Variants in ARHGAP24 observed in about 807,000 individuals in gnomAD.
ARHGAP24 encodes rho GTPase-activating protein 24.
ARHGAP24 carries 50 observed loss-of-function variants against 76.4 expected under a neutral mutation model. The observed-to-expected ratio is 0.65, with a 90% CI of 0.52 to 0.83. The LOEUF is 0.83. Ranked by LOEUF, ARHGAP24 falls within the 40% of genes least tolerant of loss-of-function variation. The pLI is 0.00. For missense variants in ARHGAP24, 930 were observed against 914.2 expected, an observed-to-expected ratio of 1.02 and a Z score of -0.22; for synonymous variants, 345 against 323.3, an observed-to-expected ratio of 1.07 and a Z score of -0.72.
At chr4:85,504,418 A>G (rs567386872) in intron 1 of ARHGAP24, among the ~76,000 whole-genome samples, 6 of 152,318 alleles carry the variant, frequency 3.9e-5, no homozygotes, top group Non-Finnish European at 8.8e-5. Flanking sequence ...TTGGGTGCAT[A>G]TATATTTAGG....
chr4:85,767,801 T>G (rs1328076913), intron 3 of ARHGAP24, among the ~76,000 whole-genome samples: 1 of 152,178 alleles, frequency 6.6e-6, no homozygotes, highest in East Asian at 1.9e-4. Context: ...TTGGTGAGAG[T>G]TAAACTCTGT....
At chr4:85,881,204 G>A (rs1374727858) in intron 3 of ARHGAP24, among the ~76,000 whole-genome samples, 2 of 152,132 alleles carry the variant, frequency 1.3e-5, no homozygotes, top group Non-Finnish European at 2.9e-5. Flanking sequence ...ATGAGTCCAT[G>A]ACTCCATGAC....
chr4:85,663,979 T>C (rs1560575170), intron 2 of ARHGAP24, among the ~76,000 whole-genome samples: 1 of 151,816 alleles, frequency 6.6e-6, no homozygotes. Context: ...TCTAAAATTC[T>C]CTTTTTTGAT....
Position 85,808,809 on chromosome 4 carries a change from A to G in ARHGAP24, c.268+86837A>G, listed in dbSNP as rs139079303. On this transcript the variant is annotated intron_variant, in intron 3 of 9. Transcript: ENST00000395184. ...TTGTTTGCTTTAATTATAAAAGAAA[A>G]TAACCCAAAAGAAATAGCAACTAAG... Among the ~76,000 whole-genome samples the G allele has an allele frequency of 5.3e-3, 805 of 152,038 alleles. 5 individuals are homozygous for G. Among genetic ancestry groups the G allele is most frequent in the African/African-American group, 0.018 (764 of 41,484 alleles).
At chr4:85,543,109 G>T (rs1725774591) in intron 1 of ARHGAP24, among the ~76,000 whole-genome samples, 1 of 152,176 alleles carries the variant, frequency 6.6e-6, no homozygotes, top group Admixed American at 6.5e-5. Context: ...GGAATAGACA[G>T]ATTTGGAAGA....
At chr4:85,691,081 A>G (rs1723637556) in intron 2 of ARHGAP24, among the ~76,000 whole-genome samples, 1 of 151,872 alleles carries the variant, frequency 6.6e-6, no homozygotes, top group South Asian at 2.1e-4. Context: ...TTTTTGATTT[A>G]TGCCTTAATT....
chr4:85,660,393 A>G (rs528342744), intron 2 of ARHGAP24, among the ~76,000 whole-genome samples: 10 of 152,172 alleles, frequency 6.6e-5, no homozygotes, highest in Non-Finnish European at 1.0e-4. Context: ...TAAGTATAAC[A>G]AAACAGAGTG....
chr4:85,929,777 T>G (rs573602527), intron 4 of ARHGAP24, among the ~76,000 whole-genome samples: 132 of 152,332 alleles, frequency 8.7e-4, no homozygotes, highest in African/African-American at 3.0e-3. Flanking sequence ...GGTATGCATG[T>G]TAAATCAGTG....
intron 2 of ARHGAP24, among the ~76,000 whole-genome samples, chr4:85,622,061 G>A (rs1228467297): frequency 6.6e-6 from 1 of 151,616 alleles, no homozygotes; most frequent in African/African-American, 2.4e-5. Flanking sequence ...CTTGTCTTAA[G>A]ATATTTTCAA....
chr4:85,516,590 T>A (rs1724512314), intron 1 of ARHGAP24, among the ~76,000 whole-genome samples: 1 of 150,248 alleles, frequency 6.7e-6, no homozygotes, highest in Non-Finnish European at 1.5e-5. Context: ...TTGTATGTAT[T>A]TTTTTAAAAC....
At chr4:85,887,688 C>T (rs1733639922) in intron 3 of ARHGAP24, among the ~76,000 whole-genome samples, 1 of 152,172 alleles carries the variant, frequency 6.6e-6, no homozygotes, top group Non-Finnish European at 1.5e-5. Flanking sequence ...TTACCTCTGT[C>T]ATTACCTCTG....
intron 1 of ARHGAP24, among the ~76,000 whole-genome samples, chr4:85,495,390 G>A (rs533270466): frequency 4.5e-4 from 49 of 109,352 alleles, no homozygotes; most frequent in Non-Finnish European, 6.9e-4. Context: ...TCACTCTGTT[G>A]CCCAGGCTGG....
intron 4 of ARHGAP24, among the ~76,000 whole-genome samples, chr4:85,940,271 T>C (rs558303808): frequency 6.6e-6 from 1 of 152,170 alleles, no homozygotes; most frequent in South Asian, 2.1e-4. Flanking sequence ...TTTGGATCAG[T>C]AGTTCAATAA....
At chr4:85,856,611 C>G (rs1452326822) in intron 3 of ARHGAP24, among the ~76,000 whole-genome samples, 4 of 151,456 alleles carry the variant, frequency 2.6e-5, no homozygotes, top group Non-Finnish European at 5.9e-5. Context: ...GCTGAGATTA[C>G]AGGCATGCAC....
chr4:85,669,742 TC>T (rs1722762546), intron 2 of ARHGAP24, among the ~76,000 whole-genome samples: 1 of 147,602 alleles, frequency 6.8e-6, no homozygotes, highest in African/African-American at 2.5e-5. Flanking sequence ...ATCAGAAGTT[TC>T]AATCTAATCA....
chr4:85,673,712 A>G (rs1343320210), intron 2 of ARHGAP24, among the ~76,000 whole-genome samples: 1 of 145,214 alleles, frequency 6.9e-6, no homozygotes, highest in Non-Finnish European at 1.5e-5. Flanking sequence ...GGGGGGATCT[A>G]AGCATTGAGA....
chr4:85,502,239 G>GT (rs1358348427), intron 1 of ARHGAP24, among the ~76,000 whole-genome samples: 1 of 152,114 alleles, frequency 6.6e-6, no homozygotes, highest in Non-Finnish European at 1.5e-5. Context: ...CTTTAATGTA[G>GT]TTTTTTCCAA....
chr4:85,763,153 T>C (rs1256776277), intron 3 of ARHGAP24, among the ~76,000 whole-genome samples: 1 of 152,216 alleles, frequency 6.6e-6, no homozygotes, highest in Non-Finnish European at 1.5e-5. Context: ...GTGAAATAAT[T>C]TGGTGTTGTT....
intron 9 of ARHGAP24, among the ~76,000 whole-genome samples, chr4:85,997,544 G>T (rs1740752645): frequency 6.6e-6 from 1 of 152,144 alleles, no homozygotes; most frequent in Middle Eastern, 3.2e-3. Flanking sequence ...TAGACAGATA[G>T]ATAATATTTT....
Sources: allele counts gnomAD v4.1 joint callset (sites outside exome capture counted in the v4.1 genomes callset), GRCh38; gene constraint gnomAD v4.1.1; transcripts MANE v1.5; gene names NCBI Gene and HGNC (gene_info 2026-07-23, HGNC 2026-07-21).